Variants in DYNC1I1 observed in about 807,000 individuals in gnomAD.
DYNC1I1 encodes dynein cytoplasmic 1 intermediate chain 1.
In DYNC1I1, 43 loss-of-function variants were observed where a neutral mutation model predicts 86.6. The observed-to-expected ratio is 0.50, with a 90% confidence interval of 0.39 to 0.64. DYNC1I1 has a LOEUF of 0.64. Among genes scored for constraint, DYNC1I1 ranks in the 30% least tolerant of loss-of-function variants. The probability of loss-of-function intolerance (pLI) is 0.00; values close to 1 mark genes in which losing one functional copy is unlikely to be tolerated. For synonymous variants in DYNC1I1, 262 were observed against 283.7 expected, an observed-to-expected ratio of 0.92 and a Z score of 0.77; for missense variants, 604 against 788.8, an observed-to-expected ratio of 0.77 and a Z score of 2.81.
intron 6 of DYNC1I1, among the ~76,000 whole-genome samples, chr7:95,964,140 A>T (rs1165379795): frequency 1.3e-5 from 2 of 152,194 alleles, no homozygotes; most frequent in Admixed American, 1.3e-4. Context: ...TCTGACTGTG[A>T]TGAATTTTGA....
intron 9 of DYNC1I1, among the ~76,000 whole-genome samples, chr7:95,991,381 G>A (rs920512374): frequency 6.6e-6 from 1 of 152,180 alleles, no homozygotes; most frequent in African/African-American, 2.4e-5. Flanking sequence ...CTTTGGCTAG[G>A]TTAAGTAGAC....
chr7:95,960,793 C>A (rs1318370257), intron 6 of DYNC1I1, among the ~76,000 whole-genome samples: 2 of 152,186 alleles, frequency 1.3e-5, no homozygotes, highest in South Asian at 2.1e-4. Flanking sequence ...AGCAGCCAAG[C>A]CTGTGGGACC....
chr7:95,909,244 G>GC (rs1791261398), intron 6 of DYNC1I1, among the ~76,000 whole-genome samples: 1 of 9,650 alleles, frequency 1.0e-4, no homozygotes, highest in Non-Finnish European at 2.4e-4. Flanking sequence ...GGAGGGGGGT[G>GC]GGGGGGGGGG....
chr7:96,058,923 A>G (rs1205573852), intron 14 of DYNC1I1, among the ~76,000 whole-genome samples: 1 of 149,384 alleles, frequency 6.7e-6, no homozygotes, highest in Non-Finnish European at 1.5e-5. Context: ...GGATTACAGG[A>G]GTGAGCCACC....
At chr7:96,036,659 A>G (rs73708451) in intron 13 of DYNC1I1, among the ~76,000 whole-genome samples, 63 of 152,300 alleles carry the variant, frequency 4.1e-4, no homozygotes, top group African/African-American at 1.5e-3. Context: ...GGGATAAAGA[A>G]ATGATATATA....
intron 6 of DYNC1I1, among the ~76,000 whole-genome samples, chr7:95,901,631 G>A (rs143417139): frequency 1.4e-3 from 220 of 152,118 alleles, no homozygotes; most frequent in African/African-American, 5.0e-3. Context: ...TCCTTTTAAT[G>A]TGAAACTTGC....
intron 10 of DYNC1I1, among the ~76,000 whole-genome samples, chr7:96,013,250 G>C (rs568745944): frequency 1.3e-5 from 2 of 152,134 alleles, no homozygotes; most frequent in Non-Finnish European, 2.9e-5. Context: ...TGCTGGCTTT[G>C]AGGGTGAAAG....
At chr7:96,051,191 C>A (rs1789394924) in intron 14 of DYNC1I1, among the ~76,000 whole-genome samples, 1 of 151,936 alleles carries the variant, frequency 6.6e-6, no homozygotes, top group South Asian at 2.1e-4. Context: ...TCAGTGGATT[C>A]CAGTTAAATT....
intron 6 of DYNC1I1, among the ~76,000 whole-genome samples, chr7:95,932,542 T>G (rs1158470226): frequency 1.3e-5 from 2 of 152,188 alleles, no homozygotes; most frequent in Non-Finnish European, 2.9e-5. Context: ...GGGTAGGGTA[T>G]TTGTCAGCTT....
intron 14 of DYNC1I1, among the ~76,000 whole-genome samples, chr7:96,070,864 T>C (rs1166285532): frequency 6.6e-6 from 1 of 152,224 alleles, no homozygotes; most frequent in African/African-American, 2.4e-5. Flanking sequence ...GGCATATATC[T>C]GACATCAGAA....
At chr7:95,810,272 A>C (rs1352053408) in intron 2 of DYNC1I1, 120 bp from the exon 3 acceptor site, 34 of 620,968 alleles carry the variant, frequency 5.5e-5, no homozygotes, top group Non-Finnish European at 7.4e-5. Context: ...ACATGTGATT[A>C]TATCTATTTA....
intron 1 of DYNC1I1, among the ~76,000 whole-genome samples, chr7:95,774,412 C>T (rs1252654324): frequency 6.6e-6 from 1 of 152,172 alleles, no homozygotes; most frequent in Non-Finnish European, 1.5e-5. Flanking sequence ...CAGTCCTTCC[C>T]CACCCCCAGC....
chr7:95,799,406 T>G (rs1794524417), intron 1 of DYNC1I1, among the ~76,000 whole-genome samples: 1 of 151,910 alleles, frequency 6.6e-6, no homozygotes, highest in African/African-American at 2.4e-5. Flanking sequence ...CTTAGGACCG[T>G]GAGCCATTTG....
intron 5 of DYNC1I1, among the ~76,000 whole-genome samples, chr7:95,847,696 A>G (rs528215642): frequency 3.6e-4 from 55 of 152,232 alleles, no homozygotes; most frequent in African/African-American, 1.3e-3. Context: ...TCTTGCTCTC[A>G]AATCAAAACT....
intron 6 of DYNC1I1, among the ~76,000 whole-genome samples, chr7:95,879,921 G>C (rs1002443478): frequency 6.6e-6 from 1 of 152,082 alleles, no homozygotes. Context: ...TGAAGAATTT[G>C]GTCTATTTAT....
At chr7:95,958,453 C>T (rs565324318) in intron 6 of DYNC1I1, among the ~76,000 whole-genome samples, 8 of 151,752 alleles carry the variant, frequency 5.3e-5, no homozygotes, top group Admixed American at 1.3e-4. Flanking sequence ...AACATTGGCC[C>T]GGAAAGCTAA....
At chr7:95,773,088 G>A (rs896351573) in intron 1 of DYNC1I1, among the ~76,000 whole-genome samples, 2 of 152,182 alleles carry the variant, frequency 1.3e-5, no homozygotes, top group Non-Finnish European at 2.9e-5. Context: ...GCCCCGCCTC[G>A]GTCTTCCCCG....
intron 13 of DYNC1I1, among the ~76,000 whole-genome samples, chr7:96,036,178 G>T (rs894449434): frequency 6.6e-6 from 1 of 152,066 alleles, no homozygotes; most frequent in Admixed American, 6.6e-5. Flanking sequence ...TCATTCAAGA[G>T]CCAGCACAGA....
At chr7:96,083,951 T>C (rs1444583547) in intron 16 of DYNC1I1, among the ~76,000 whole-genome samples, 1 of 152,240 alleles carries the variant, frequency 6.6e-6, no homozygotes, top group East Asian at 1.9e-4. Flanking sequence ...GTAGGTTTTT[T>C]AGAGCACACA....
Sources: allele counts gnomAD v4.1 joint callset (sites outside exome capture counted in the v4.1 genomes callset), GRCh38; gene constraint gnomAD v4.1.1; transcripts MANE v1.5; gene names NCBI Gene and HGNC (gene_info 2026-07-23, HGNC 2026-07-21).